Variants in OR52N2 observed in about 807,000 individuals in gnomAD.
The protein encoded by OR52N2 is olfactory receptor 52N2.
For missense variants in OR52N2, 326 were observed against 196.6 expected, an observed-to-expected ratio of 1.66 and a Z score of -3.94; for synonymous variants, 129 against 72.0, an observed-to-expected ratio of 1.79 and a Z score of -4.01.
intron 1 of OR52N2, among the ~76,000 whole-genome samples, chr11:5,819,449 T>G (rs1190679822): frequency 6.6e-6 from 1 of 152,194 alleles, no homozygotes; most frequent in East Asian, 1.9e-4. Context: ...GTAAATTTAG[T>G]ATTGAGAATG....
rs368106106 is a variant in OR52N2, at chr11:5,820,379, T to C, written c.44T>C (p.Ile15Thr). Residue 15 changes from isoleucine to threonine, a missense_variant, in exon 2 of 2, where the codon ATC (isoleucine) becomes ACC (threonine). Physicochemically the swap from Ile to Thr is moderately conservative, Grantham distance 89 (BLOSUM62 -1). Transcript: ENST00000317037. ...TCCAGCCTGACCCCAGGATTCTTTA[T>C]CTTGAATGGCGTTCCTGGGCTGGAA... ...NSSSLTPGFFILNGVPGLEAT... is the reference protein window; with the variant it reads ...NSSSLTPGFFTLNGVPGLEAT... 5 of 780,800 alleles carry C rather than the reference T, an allele frequency of 6.4e-6. No individual in the cohort carries two copies. Among genetic ancestry groups the C allele is most frequent in the African/African-American group, 5.1e-5 (3 of 59,114 alleles). 48.4% of individuals were successfully genotyped at this position (780,800 alleles called of 1,614,324 possible).
intron 1 of OR52N2, among the ~76,000 whole-genome samples, chr11:5,813,424 G>A (rs952601451): frequency 2.6e-5 from 4 of 151,948 alleles, no homozygotes; most frequent in African/African-American, 9.7e-5. Context: ...AGTCAATAAG[G>A]AAACATTGGA....
rs73394377 is a variant in OR52N2 at position 5,820,696 on chromosome 11, G to A, written c.361G>A (p.Ala121Thr). 0.051 allele frequency: 40,584 copies of A among 792,356 alleles called. 1,301 individuals carry two copies. The highest frequency in any genetic ancestry group is 0.077 in the African/African-American group (4,589 of 59,366). The allele number at this position is 792,356 out of a possible 1,614,324, so 49.1% of individuals were successfully genotyped here. A position where few individuals can be genotyped will look rare whatever the true frequency, so the allele number is the denominator to read the frequency against. The part of the protein sequence containing the change: ...GMESGVLMLM[A>T]LDRYVAICYP... The stretch of plus-strand genomic sequence containing the variant: ...GGAGTCTGGGGTGCTCATGCTCATG[G>A]CCCTGGACCGCTATGTGGCCATCTG... The change falls in exon 2 of 2, where the codon GCC becomes ACC. Residue 121 changes from alanine (A) to threonine (T), a missense_variant. Transcript: ENST00000317037.
intron 1 of OR52N2, among the ~76,000 whole-genome samples, chr11:5,816,189 ATTG>A (rs1846403056): frequency 6.6e-6 from 1 of 152,142 alleles, no homozygotes; most frequent in Non-Finnish European, 1.5e-5. Context: ...ATGGAGAGTT[ATTG>A]TTTAATGGGT....
At position 5,820,523 on chromosome 11, in the gene OR52N2, A is replaced by G. The variant is rs369345504; in HGVS notation, c.188A>G (p.Tyr63Cys). ...HEEALHRPMY[Y>C]FLALLSFTDV... is the part of the protein sequence containing the mutation. Reference sequence around the variant, plus strand: ...GAGGCCCTGCACCGGCCCATGTACTACTTCCTGGCCCTGCTCTCCTTCACT... The same window carrying G: ...GAGGCCCTGCACCGGCCCATGTACTGCTTCCTGGCCCTGCTCTCCTTCACT... Residue 63 changes from tyrosine (Y) to cysteine (C), a missense_variant, in exon 2 of 2, where the codon TAC becomes TGC. Tyr to Cys is a radical substitution (Grantham distance 194). Transcript: ENST00000317037. 10 of 778,644 alleles carry G rather than the reference A, an allele frequency of 1.3e-5. No individual in the cohort carries two copies. Among genetic ancestry groups the G allele is most frequent in the Non-Finnish European group, 2.4e-5 (10 of 416,928 alleles). The allele number at this position is 778,644 out of a possible 1,614,324, so 48.2% of individuals were successfully genotyped here. A position where few individuals can be genotyped will look rare whatever the true frequency, so the allele number is the denominator to read the frequency against.
chr11:5,816,543 A>G lies in OR52N2; in HGVS notation c.-54-3739A>G, dbSNP rs573596042. 3.5e-5 allele frequency among the ~76,000 whole-genome samples: 5 copies of G among 140,914 alleles called. No homozygotes were observed. The South Asian group carries it at 1.1e-3, about 31-fold the overall frequency. The allele number at this position is 140,914 out of a possible 152,430, so 92.4% of individuals were successfully genotyped here. ...CTCCAATTTAGGAAGCCTGATCTAA[A>G]TCTTCTTTTTTTGAGAGACACGGTC... is the stretch of plus-strand genomic sequence containing the variant. On this transcript the variant is annotated intron_variant, in intron 1 of 1. Coordinates refer to ENST00000317037, the MANE Select transcript of OR52N2 (RefSeq NM_001005174.3).
In OR52N2 at chr11:5,821,261, T is replaced by G. The variant is rs777087342; in HGVS notation, c.926T>G (p.Phe309Cys). Reference protein sequence around the residue: ...TKQIQEGVIKFLLGDKVSFTY... With the variant: ...TKQIQEGVIKCLLGDKVSFTY... ...CAGATTCAGGAAGGTGTAATTAAAT[T>G]TTTACTTGGAGACAAGGTTAGTTTT... Residue 309 changes from phenylalanine (F) to cysteine (C), a missense_variant, in exon 2 of 2, where the codon TTT (phenylalanine) becomes TGT (cysteine). Phe to Cys is a radical substitution (Grantham distance 205). Coordinates refer to ENST00000317037, the MANE Select transcript of OR52N2 (RefSeq NM_001005174.3). 3.8e-6 allele frequency: 3 copies of G among 780,468 alleles called. No individual in the cohort carries two copies. The African/African-American group carries it at 5.1e-5, about 13-fold the overall frequency. The allele number at this position is 780,468 out of a possible 1,614,324, so 48.3% of individuals were successfully genotyped here.
At chr11:5,809,507 T>G (rs1846335203) in intron 1 of OR52N2, among the ~76,000 whole-genome samples, 2 of 152,114 alleles carry the variant, frequency 1.3e-5, no homozygotes, top group Non-Finnish European at 2.9e-5. Flanking sequence ...GAGTTATTGA[T>G]TAGAGCTGAT....
Position 5,821,431 on chromosome 11 carries a change from C to A in OR52N2, c.*130C>A. On this transcript the variant is annotated 3_prime_UTR_variant, in exon 2 of 2. Transcript: ENST00000317037. ...CCATGTAACAAACTTGCACGTGTACCTAAAATAAAAATAGAAATAAAAAAT... is the reference window on the plus strand; with the variant it reads ...CCATGTAACAAACTTGCACGTGTACATAAAATAAAAATAGAAATAAAAAAT... 5.3e-6 allele frequency: 3 copies of A among 570,418 alleles called. No individual in the cohort carries two copies. Among genetic ancestry groups the A allele is most frequent in the African/African-American group, 3.8e-5 (2 of 52,790 alleles). The allele number at this position is 570,418 out of a possible 1,614,324, so 35.3% of individuals were successfully genotyped here.
intron 1 of OR52N2, among the ~76,000 whole-genome samples, chr11:5,819,539 A>G (rs1486294502): frequency 2.0e-5 from 3 of 152,288 alleles, no homozygotes; most frequent in Non-Finnish European, 4.4e-5. Context: ...TCACTACTAA[A>G]CTTACGTAAA....
chr11:5,815,933 A>ATG (rs1489010926), intron 1 of OR52N2, among the ~76,000 whole-genome samples: 10 of 112,184 alleles, frequency 8.9e-5, no homozygotes, highest in Admixed American at 1.8e-4. Flanking sequence ...TACATTATAT[A>ATG]TGTATATATA....
chr11:5,809,811 T>C (rs552908381), intron 1 of OR52N2, among the ~76,000 whole-genome samples: 6 of 152,350 alleles, frequency 3.9e-5, no homozygotes, highest in South Asian at 2.1e-4. Flanking sequence ...TTTGTTCTCA[T>C]TGATTTCAAA....
In OR52N2 at chr11:5,820,589, G is replaced by A. The variant is rs1401964334; in HGVS notation, c.254G>A (p.Cys85Tyr). The change falls in exon 2 of 2, where the codon TGC becomes TAC. Residue 85 changes from cysteine (C) to tyrosine (Y), a missense_variant. Physicochemically the swap from Cys to Tyr is radical, Grantham distance 194. Transcript: ENST00000317037. ...ACCACCATGGTACCTAATATGCTGT[G>A]CATATTCTGGTTCAACCTCAAGGAG... Reference protein sequence around the residue: ...LCTTMVPNMLCIFWFNLKEID... With the variant: ...LCTTMVPNMLYIFWFNLKEID... 1.3e-6 allele frequency: 1 copy of A among 781,592 alleles called. No individual in the cohort carries two copies. The highest frequency in any genetic ancestry group is 2.4e-6 in the Non-Finnish European group (1 of 418,708). 48.4% of individuals were successfully genotyped at this position (781,592 alleles called of 1,614,324 possible). A position where few individuals can be genotyped will look rare whatever the true frequency, so the allele number is the denominator to read the frequency against.
chr11:5,815,785 A>G (rs1468692667), intron 1 of OR52N2, among the ~76,000 whole-genome samples: 1 of 152,164 alleles, frequency 6.6e-6, no homozygotes, highest in Non-Finnish European at 1.5e-5. Context: ...TCACACGTTC[A>G]TTGCAGCATT....
chr11:5,809,051 C>T lies in OR52N2; in HGVS notation c.-58C>T, dbSNP rs1846331503. 6.6e-6 allele frequency among the ~76,000 whole-genome samples: 1 copy of T among 152,140 alleles called. No individual in the cohort carries two copies. The highest frequency in any genetic ancestry group is 1.5e-5 in the Non-Finnish European group (1 of 68,024). On this transcript the variant is annotated 5_prime_UTR_variant, in exon 1 of 2. Coordinates refer to ENST00000317037, the MANE Select transcript of OR52N2 (RefSeq NM_001005174.3). ...AACGGGGCATTGGAATGCGTCTCCC[C>T]TGGGTAGGATGACTGAAGATCCCTT...
In OR52N2 at chr11:5,821,324, T is replaced by G. The variant is rs1846452751; in HGVS notation, c.*23T>G. 4.1e-6 allele frequency: 3 copies of G among 733,244 alleles called. No individual in the cohort carries two copies. Among genetic ancestry groups the G allele is most frequent in the Non-Finnish European group, 7.5e-6 (3 of 398,132 alleles). 45.4% of individuals were successfully genotyped at this position (733,244 alleles called of 1,614,324 possible). A position where few individuals can be genotyped will look rare whatever the true frequency, so the allele number is the denominator to read the frequency against. On this transcript the variant is annotated 3_prime_UTR_variant, in exon 2 of 2. Transcript: ENST00000317037. ...TGAAACATAGAATAGACATATTGTT[T>G]CAGGTGGTGAGAAAATAATGGAGAC... is the stretch of plus-strand genomic sequence containing the variant.
intron 1 of OR52N2, among the ~76,000 whole-genome samples, chr11:5,810,055 C>T (rs1387437728): frequency 6.6e-6 from 1 of 152,202 alleles, no homozygotes; most frequent in Non-Finnish European, 1.5e-5. Flanking sequence ...ATAACTCATT[C>T]CTCTGAGTGG....
Sources: allele counts gnomAD v4.1 joint callset (sites outside exome capture counted in the v4.1 genomes callset), GRCh38; gene constraint gnomAD v4.1.1; transcripts MANE v1.5; gene names NCBI Gene and HGNC (gene_info 2026-07-23, HGNC 2026-07-21).